Variants in PPP2R2C observed in about 807,000 individuals in gnomAD.
PPP2R2C encodes protein phosphatase 2 regulatory subunit Bgamma.
A neutral mutation model predicts 45.3 loss-of-function variants in PPP2R2C; 10 were observed. That is an observed-to-expected ratio of 0.22 (90% CI 0.14 to 0.37). The LOEUF (loss-of-function observed/expected upper bound fraction) is 0.37, where lower values mean the gene tolerates loss of function less well. Ranked by LOEUF, PPP2R2C falls within the 10% of genes least tolerant of loss-of-function variation. The pLI is 1.00. For missense variants in PPP2R2C, 308 were observed against 619.7 expected (o/e 0.50, Z 5.34); for synonymous variants, 257 against 245.4 (o/e 1.05, Z -0.44).
At position 6,354,597 on chromosome 4, in the gene PPP2R2C, T is replaced by C. The variant is rs186346127; in HGVS notation, c.626-6587A>G. Among the ~76,000 whole-genome samples, 41 of 152,060 alleles carry C rather than the reference T, an allele frequency of 2.7e-4. No homozygotes were observed. The East Asian group carries it at 7.6e-3, about 28-fold the overall frequency. On this transcript the variant is annotated intron_variant, in intron 5 of 8. Transcript: ENST00000382599. ...TAGATGGGGAGACGACTCTGAACCT[T>C]TCCCTGGGAACAGCCCTTCCAATTT...
Position 6,563,005 on chromosome 4 carries a change from G to C in PPP2R2C, c.-59+555C>G, listed in dbSNP as rs546831826. 5.3e-5 allele frequency among the ~76,000 whole-genome samples: 8 copies of C among 151,406 alleles called. No homozygotes were observed. Among genetic ancestry groups the C allele is most frequent in the African/African-American group, 1.9e-4 (8 of 41,092 alleles). ...GCTTCTCCAAACCAGAGCAGCAGCCGGGCCTGACTCAGCACCCACCGGCGC... is the reference window on the plus strand; with the variant it reads ...GCTTCTCCAAACCAGAGCAGCAGCCCGGCCTGACTCAGCACCCACCGGCGC... On this transcript the variant is annotated intron_variant, in intron 1 of 9. Transcript: ENST00000506140. This position sits in a 1 kb window ranked among gnomAD's most constrained non-coding sequence, Gnocchi z 5.8.
chr4:6,373,407 C>G (rs745609686), intron 4 of PPP2R2C, among the ~76,000 whole-genome samples: 8 of 152,172 alleles, frequency 5.3e-5, no homozygotes, highest in Non-Finnish European at 1.0e-4. Flanking sequence ...ACAGTTGGTG[C>G]GAGGAGTCCT....
In PPP2R2C at chr4:6,342,757, C is replaced by G. The variant is rs117618670; in HGVS notation, c.790+5089G>C. ...GTCACACTGCCAAGCAGTCACAAGA[C>G]GCGGATTTCCAGTGCTTCGGAGAAA... On this transcript the variant is annotated intron_variant, in intron 6 of 8. Transcript: ENST00000382599. Among the ~76,000 whole-genome samples, 28 of 152,312 alleles carry G rather than the reference C, an allele frequency of 1.8e-4. No homozygotes were observed. In the East Asian group the frequency reaches 4.6e-3, roughly 25 times the overall value.
At chr4:6,350,416 A>G in intron 5 of PPP2R2C, 1 of 985,448 alleles carries the variant, frequency 1.0e-6, no homozygotes, top group Non-Finnish European at 1.2e-6. Flanking sequence ...TGTGCAGTAG[A>G]GAGGCAGGGC....
chr4:6,549,450 CAA>C (rs1473495417), intron 1 of PPP2R2C, among the ~76,000 whole-genome samples: 1 of 152,206 alleles, frequency 6.6e-6, no homozygotes, highest in Middle Eastern at 3.2e-3. Flanking sequence ...TGAATAATGA[CAA>C]AGATACAGGG....
At chr4:6,421,793 T>C (rs532103269) in intron 1 of PPP2R2C, among the ~76,000 whole-genome samples, 20 of 152,314 alleles carry the variant, frequency 1.3e-4, no homozygotes, top group Non-Finnish European at 2.5e-4. Flanking sequence ...GCCCACCCAC[T>C]TCACAGTTAC....
intron 1 of PPP2R2C, among the ~76,000 whole-genome samples, chr4:6,447,568 C>A (rs1395003515): frequency 2.2e-5 from 3 of 139,484 alleles, no homozygotes; most frequent in African/African-American, 7.8e-5. Context: ...GGTGACCTGA[C>A]CTTTGTCCTC....
At chr4:6,334,268 G>C (rs1310928950) in intron 6 of PPP2R2C, among the ~76,000 whole-genome samples, 1 of 152,128 alleles carries the variant, frequency 6.6e-6, no homozygotes, top group Non-Finnish European at 1.5e-5. Context: ...ATTGCCATGG[G>C]GTTTGTAACA....
intron 1 of PPP2R2C, among the ~76,000 whole-genome samples, chr4:6,446,602 G>A (rs1432493316): frequency 6.6e-6 from 1 of 152,192 alleles, no homozygotes; most frequent in East Asian, 1.9e-4. Flanking sequence ...GGCAGGGCTT[G>A]TAGGAACTGA....
chr4:6,453,737 G>A (rs796351740), intron 1 of PPP2R2C, among the ~76,000 whole-genome samples: 25 of 152,332 alleles, frequency 1.6e-4, no homozygotes, highest in African/African-American at 6.0e-4. Flanking sequence ...TAGCCAAGCA[G>A]AAAATTCAGC....
intron 1 of PPP2R2C, among the ~76,000 whole-genome samples, chr4:6,540,017 C>T (rs1442373047): frequency 1.3e-5 from 2 of 152,218 alleles, no homozygotes; most frequent in African/African-American, 2.4e-5. Flanking sequence ...GCTCCAATGA[C>T]ACCAAGCTTC....
chr4:6,347,832 G>A lies in PPP2R2C; in HGVS notation c.790+14C>T. On this transcript the variant is annotated intron_variant, in intron 6 of 8. Transcript: ENST00000382599. ...CCAATGCACAGCCCCCCACCCCCAG[G>A]CACCGGCACTTACGCTTGGAATGCT... 6.3e-7 allele frequency: 1 copy of A among 1,585,226 alleles called. No homozygotes were observed. The highest frequency in any genetic ancestry group is 1.3e-5 in the African/African-American group (1 of 74,234).
chr4:6,461,358 G>A (rs1413171100), intron 1 of PPP2R2C, among the ~76,000 whole-genome samples: 1 of 152,200 alleles, frequency 6.6e-6, no homozygotes, highest in African/African-American at 2.4e-5. Context: ...CCACCAAGAT[G>A]CAGGTTCTTC....
intron 1 of PPP2R2C, among the ~76,000 whole-genome samples, chr4:6,453,358 C>T (rs1053641300): frequency 1.3e-5 from 2 of 152,146 alleles, no homozygotes; most frequent in African/African-American, 2.4e-5. Context: ...GAGGAAGGAG[C>T]GGCGTCAGGA....
rs1297720653 is a variant in PPP2R2C, at chr4:6,464,881, G to GGA, written c.70+7277_70+7278dup. On this transcript the variant is annotated intron_variant, in intron 1 of 8. Coordinates refer to ENST00000382599, the MANE Select transcript of PPP2R2C (RefSeq NM_020416.4). ...TTATGAAAATAAGAAAGTGTGTGGG[G>GGA]GAGAGACAGAGAGAGAGAGAAGGAA... Among the ~76,000 whole-genome samples the GGA allele has an allele frequency of 1.1e-4, 16 of 146,304 alleles. No individual in the cohort carries two copies. The South Asian group carries it at 2.4e-3, about 22-fold the overall frequency.
At chr4:6,337,271 ATGT>A (rs1170923195) in intron 6 of PPP2R2C, among the ~76,000 whole-genome samples, 1 of 150,780 alleles carries the variant, frequency 6.6e-6, no homozygotes, top group Non-Finnish European at 1.5e-5. Flanking sequence ...TAAAGGGGTG[ATGT>A]TGTGCTGCCT....
At chr4:6,540,932 C>T (rs1044694772) in intron 1 of PPP2R2C, among the ~76,000 whole-genome samples, 1 of 152,246 alleles carries the variant, frequency 6.6e-6, no homozygotes, top group African/African-American at 2.4e-5. Context: ...GAGCAGAACT[C>T]TGTGTTGTGG....
At chr4:6,366,148 G>A (rs999361709) in intron 5 of PPP2R2C, among the ~76,000 whole-genome samples, 5 of 152,206 alleles carry the variant, frequency 3.3e-5, no homozygotes, top group Admixed American at 6.5e-5. Context: ...CTCTTGCTGG[G>A]CTCCAATTAG....
At position 6,486,138 on chromosome 4, in the gene PPP2R2C, A is replaced by C. The variant is rs139267488; in HGVS notation, c.49+49133T>G. 6.0e-3 allele frequency among the ~76,000 whole-genome samples: 911 copies of C among 152,106 alleles called. 12 individuals are homozygous for C. Among genetic ancestry groups the C allele is most frequent in the African/African-American group, 0.02 (825 of 41,556 alleles). ...TTTCTAATTTCCCTTTCTTGGACAC[A>C]TGGGTTATATAAAAGTGTGTTTCAT... is the stretch of plus-strand genomic sequence containing the variant. On this transcript the variant is annotated intron_variant, in intron 2 of 9. Transcript: ENST00000506140.
Sources: gnomAD v4.1 joint callset for allele counts (sites outside exome capture counted in the v4.1 genomes callset) on GRCh38, gnomAD v4.1.1 for gene constraint, Gnocchi (gnomAD v3.1) non-coding constraint, MANE v1.5 for transcripts, NCBI Gene and HGNC (gene_info 2026-07-23, HGNC 2026-07-21) for gene names.